The following FGF12 variants were observed in gnomAD, a reference collection of about 807,000 sequenced individuals.
The protein encoded by FGF12 is fibroblast growth factor 12B.
Under a neutral mutation model 23.6 loss-of-function variants are expected in FGF12, and 14 were observed. That is an observed-to-expected ratio of 0.59 (90% CI 0.39 to 0.93). The LOEUF is 0.93. Among genes scored for constraint, FGF12 ranks in the 40% least tolerant of loss-of-function variants. FGF12 has a pLI of 0.00. For synonymous variants in FGF12, 62 were observed against 77.3 expected, an observed-to-expected ratio of 0.80 and a Z score of 1.04; for missense variants, 175 against 217.8, an observed-to-expected ratio of 0.80 and a Z score of 1.24.
chr3:192,284,870 C>T (rs1560051685), intron 4 of FGF12, among the ~76,000 whole-genome samples: 1 of 151,928 alleles, frequency 6.6e-6, no homozygotes. Context: ...AACTCATTGG[C>T]CCTGGTGTTA....
rs751305859 is a variant in FGF12 at position 192,514,742 on chromosome 3, G to T, written c.14-154204C>A. Reference sequence around the variant, plus strand: ...ATATGCACTCCTTTCTTCAGAGAAAGCTCAAGAATCTTCATGGAGAAGCGC... The same window carrying T: ...ATATGCACTCCTTTCTTCAGAGAAATCTCAAGAATCTTCATGGAGAAGCGC... On this transcript the variant is annotated intron_variant, in intron 2 of 5. Coordinates refer to ENST00000445105, the MANE Select transcript of FGF12 (RefSeq NM_004113.6). The surrounding 1 kb of genome is among the most constrained non-coding windows in gnomAD (Gnocchi z 4.9). 1.7e-4 allele frequency: 168 copies of T among 985,292 alleles called. 2 individuals carry two copies. The highest frequency in any genetic ancestry group is 2.0e-4 in the Non-Finnish European group (164 of 829,932). The allele number at this position is 985,292 out of a possible 1,614,324, so 61.0% of individuals were successfully genotyped here.
chr3:192,144,117 G>A lies in FGF12; in HGVS notation c.438C>T (p.Tyr146=). ...CAATTTCATGTAGCGATGGTTCTCT[G>A]TACATACACACTGAAAGGCAAAATA... is the stretch of plus-strand genomic sequence containing the variant. ...FVPKPIEVCM[Y]REPSLHEIGE... Residue 146 remains tyrosine (Y), a synonymous_variant, in exon 6 of 6, where the codon TAC becomes TAT. Coordinates refer to ENST00000445105, the MANE Select transcript of FGF12 (RefSeq NM_004113.6). The A allele has an allele frequency of 6.2e-7, 1 of 1,606,928 alleles. No homozygotes were observed.
intron 4 of FGF12, among the ~76,000 whole-genome samples, chr3:192,192,301 C>G (rs1189362802): frequency 6.6e-6 from 1 of 151,766 alleles, no homozygotes; most frequent in Non-Finnish European, 1.5e-5. Flanking sequence ...ATCTTTCTCT[C>G]ATTGTCTCTT....
chr3:192,150,772 T>C (rs1714006381), intron 5 of FGF12, among the ~76,000 whole-genome samples: 1 of 147,780 alleles, frequency 6.8e-6, no homozygotes, highest in Non-Finnish European at 1.5e-5. Flanking sequence ...TTTGCTCTTT[T>C]GGCTTAGGAT....
chr3:192,391,106 A>G (rs1368993060), intron 2 of FGF12, among the ~76,000 whole-genome samples: 1 of 152,212 alleles, frequency 6.6e-6, no homozygotes, highest in Non-Finnish European at 1.5e-5. Flanking sequence ...CCGAGCAAAG[A>G]GAAAAGCATG....
At chr3:192,535,290 G>A (rs2108853317) in intron 2 of FGF12, among the ~76,000 whole-genome samples, 1 of 152,210 alleles carries the variant, frequency 6.6e-6, no homozygotes, top group African/African-American at 2.4e-5. Context: ...CATCCACCTA[G>A]TCTTTCATCC....
At chr3:192,419,853 T>C (rs1408992903) in intron 2 of FGF12, among the ~76,000 whole-genome samples, 1 of 152,150 alleles carries the variant, frequency 6.6e-6, no homozygotes, top group Non-Finnish European at 1.5e-5. Flanking sequence ...AACACTTCTA[T>C]ATGGCATCAA....
intron 4 of FGF12, among the ~76,000 whole-genome samples, chr3:192,171,875 GCTCT>G (rs147801298): frequency 0.019 from 2,612 of 140,692 alleles, 35 homozygotes; most frequent in Middle Eastern, 0.066. Context: ...TGTAGAGAGT[GCTCT>G]CTCTCTCTCT....
At chr3:192,448,248 A>C (rs1300071699) in intron 2 of FGF12, among the ~76,000 whole-genome samples, 1 of 152,188 alleles carries the variant, frequency 6.6e-6, no homozygotes, top group East Asian at 1.9e-4. Context: ...ACACCTCTTA[A>C]TGAAATGAGC....
At chr3:192,545,327 T>A (rs972240336) in intron 2 of FGF12, among the ~76,000 whole-genome samples, 3 of 152,188 alleles carry the variant, frequency 2.0e-5, no homozygotes, top group Admixed American at 6.5e-5. Context: ...CAGGAGGCAT[T>A]TACCATGTGC....
intron 2 of FGF12, chr3:192,672,860 T>G (rs2108696797): frequency 6.6e-6 from 1 of 151,004 alleles, no homozygotes; most frequent in East Asian, 1.9e-4. Flanking sequence ...TCAATTTCAG[T>G]GGATATTTTA....
intron 2 of FGF12, among the ~76,000 whole-genome samples, chr3:192,647,788 G>A (rs576354105): frequency 3.4e-5 from 5 of 149,082 alleles, no homozygotes; most frequent in African/African-American, 1.2e-4. Flanking sequence ...ATACACACAC[G>A]AATATATGAT....
intron 2 of FGF12, among the ~76,000 whole-genome samples, chr3:192,677,329 C>T (rs1421948129): frequency 2.0e-5 from 3 of 152,196 alleles, no homozygotes; most frequent in Admixed American, 6.5e-5. Flanking sequence ...TAGCCTTCCC[C>T]CTATTCCTGA....
In FGF12 at chr3:192,570,551, A is replaced by T. The variant is rs142110577; in HGVS notation, c.13+156630T>A. 6.3e-3 allele frequency among the ~76,000 whole-genome samples: 955 copies of T among 152,302 alleles called. 5 individuals carry two copies. Among genetic ancestry groups the T allele is most frequent in the African/African-American group, 0.021 (892 of 41,568 alleles). ...CAGCCTAATTAAGGACTGAGTCTGG[A>T]AGTTTCCCCAAATTTGGTTAGCTGG... On this transcript the variant is annotated intron_variant, in intron 2 of 5. Coordinates refer to ENST00000445105, the MANE Select transcript of FGF12 (RefSeq NM_004113.6).
At chr3:192,671,352 T>C (rs139389433) in intron 2 of FGF12, among the ~76,000 whole-genome samples, 1 of 152,282 alleles carries the variant, frequency 6.6e-6, no homozygotes. Context: ...AGAGATTATA[T>C]CCCATTTACC....
chr3:192,380,773 G>C (rs901024092), intron 2 of FGF12, among the ~76,000 whole-genome samples: 7 of 151,926 alleles, frequency 4.6e-5, no homozygotes, highest in Non-Finnish European at 7.4e-5. Flanking sequence ...TAATAGCAAG[G>C]GAAAGAATGC....
At chr3:192,319,628 A>G (rs542781470) in intron 4 of FGF12, among the ~76,000 whole-genome samples, 1 of 152,150 alleles carries the variant, frequency 6.6e-6, no homozygotes, top group South Asian at 2.1e-4. Context: ...TAAAATAACT[A>G]CAAAAACCTT....
intron 4 of FGF12, among the ~76,000 whole-genome samples, chr3:192,240,416 A>AT (rs1411079657): frequency 6.6e-6 from 1 of 152,146 alleles, no homozygotes; most frequent in African/African-American, 2.4e-5. Context: ...TAAAATTATT[A>AT]TTTTTTTGCT....
chr3:192,432,628 AAAAAAAAAAAAAAAG>A (rs1030111930), intron 2 of FGF12, among the ~76,000 whole-genome samples: 1 of 149,542 alleles, frequency 6.7e-6, no homozygotes, highest in Non-Finnish European at 1.5e-5. Context: ...GGCAAAAAAA[AAAAAAAAAAAAAAAG>A]AAAGAAAGAA....
Sources: gnomAD v4.1 joint callset for allele counts (sites outside exome capture counted in the v4.1 genomes callset) on GRCh38, gnomAD v4.1.1 for gene constraint, Gnocchi (gnomAD v3.1) non-coding constraint, MANE v1.5 for transcripts, NCBI Gene and HGNC (gene_info 2026-07-23, HGNC 2026-07-21) for gene names.